The following SLC5A4 variants were observed in gnomAD, a reference collection of about 807,000 sequenced individuals.
SLC5A4 encodes solute carrier family 5 member 4, also known as probable glucose sensor protein SLC5A4.
In SLC5A4, 55 loss-of-function variants were observed where a neutral mutation model predicts 70.3. The ratio of observed to expected loss-of-function variants is 0.78; its 90% CI spans 0.63 to 0.98. SLC5A4 has a LOEUF of 0.98. Ranked by LOEUF, SLC5A4 falls within the 50% of genes least tolerant of loss-of-function variation. SLC5A4 has a pLI of 0.00. For missense variants in SLC5A4, 735 were observed against 839.2 expected (o/e 0.88, Z 1.53); for synonymous variants, 268 against 305.7 (o/e 0.88, Z 1.29).
At chr22:32,347,290 A>G in the SLC5A4 span, among the ~76,000 whole-genome samples, 1 of 151,898 alleles carries the variant, frequency 6.6e-6, no homozygotes, top group Non-Finnish European at 1.5e-5. Flanking sequence ...TGTGGAAGTC[A>G]GTGTGGAGAT....
At chr22:32,291,203 GTTCT>G in the SLC5A4 span, among the ~76,000 whole-genome samples, 7 of 98,394 alleles carry the variant, frequency 7.1e-5, no homozygotes, top group South Asian at 3.9e-4. Context: ...GTGTTTGACT[GTTCT>G]TTTTTTTTTT....
chr22:32,338,579 C>G, the SLC5A4 span, among the ~76,000 whole-genome samples: 1 of 152,166 alleles, frequency 6.6e-6, no homozygotes, highest in African/African-American at 2.4e-5. Flanking sequence ...AAAGGAGAAT[C>G]ACTTGAACCT....
At chr22:32,351,751 G>GGGGGTGGGGGGGGGGTGGGGGGAGGGT in the SLC5A4 span, among the ~76,000 whole-genome samples, 1 of 44,238 alleles carries the variant, frequency 2.3e-5, no homozygotes, top group Non-Finnish European at 3.5e-5. Flanking sequence ...GGGAGGGCGG[G>GGGGGTGGGGGGGGGGTGGGGGGAGGGT]GGGGGGGTGG....
At chr22:32,346,305 G>T in the SLC5A4 span, among the ~76,000 whole-genome samples, 3 of 152,190 alleles carry the variant, frequency 2.0e-5, no homozygotes, top group East Asian at 3.9e-4. Context: ...CTAAAGAAAA[G>T]ATATTATTGT....
the SLC5A4 span, among the ~76,000 whole-genome samples, chr22:32,322,306 CAGGCCA>C: frequency 6.6e-6 from 1 of 152,144 alleles, no homozygotes; most frequent in African/African-American, 2.4e-5. Context: ...TGGCCAGAAG[CAGGCCA>C]GGGGCAGTGG....
chr22:32,329,510 GGTGT>G, the SLC5A4 span, among the ~76,000 whole-genome samples: 7,165 of 148,004 alleles, frequency 0.048, 410 homozygotes, highest in East Asian at 0.29. Context: ...AGGCAGTGGG[GGTGT>G]GTGTGTGTTT....
chr22:32,332,764 G>A, the SLC5A4 span, among the ~76,000 whole-genome samples: 3 of 152,180 alleles, frequency 2.0e-5, no homozygotes, highest in East Asian at 1.9e-4. Context: ...CCATGGTAAA[G>A]GTTAATTTTT....
chr22:32,350,943 T>C, the SLC5A4 span, among the ~76,000 whole-genome samples: 8 of 151,788 alleles, frequency 5.3e-5, no homozygotes, highest in African/African-American at 2.4e-5. Flanking sequence ...GTAGTAACAT[T>C]AGGAATAAAA....
chr22:32,299,298 G>A, the SLC5A4 span, among the ~76,000 whole-genome samples: 4,329 of 151,278 alleles, frequency 0.029, 214 homozygotes, highest in African/African-American at 0.1. Flanking sequence ...AAACCAATCA[G>A]ACGTAAATTT....
At chr22:32,242,686 G>A (rs976449781) in intron 5 of SLC5A4, among the ~76,000 whole-genome samples, 1 of 152,120 alleles carries the variant, frequency 6.6e-6, no homozygotes, top group Non-Finnish European at 1.5e-5. Context: ...TCCAGCCTGG[G>A]CGACAGAGTG....
chr22:32,295,670 A>T, the SLC5A4 span, among the ~76,000 whole-genome samples: 2 of 91,726 alleles, frequency 2.2e-5, no homozygotes, highest in African/African-American at 4.1e-5. Context: ...ATTAGATCCC[A>T]TTTGTCAATT....
the SLC5A4 span, among the ~76,000 whole-genome samples, chr22:32,291,750 GATTT>G: frequency 1.3e-5 from 2 of 151,398 alleles, no homozygotes; most frequent in African/African-American, 4.9e-5. Flanking sequence ...TTTTCATTAT[GATTT>G]ATTCCTTGAC....
At chr22:32,323,150 G>C in the SLC5A4 span, among the ~76,000 whole-genome samples, 1 of 152,044 alleles carries the variant, frequency 6.6e-6, no homozygotes. Flanking sequence ...AGATTGGCTC[G>C]AGACAACAGC....
the SLC5A4 span, among the ~76,000 whole-genome samples, chr22:32,301,450 G>GT: frequency 6.6e-6 from 1 of 152,104 alleles, no homozygotes; most frequent in African/African-American, 2.4e-5. Flanking sequence ...TTTGCTGTCT[G>GT]TATTTAACAA....
chr22:32,354,492 C>T, the SLC5A4 span, among the ~76,000 whole-genome samples: 1 of 151,926 alleles, frequency 6.6e-6, no homozygotes, highest in Non-Finnish European at 1.5e-5. Context: ...CAGAGTAGCA[C>T]CCGATAGCGC....
intron 12 of SLC5A4, 60 bp from the exon 13 acceptor site, chr22:32,224,542 T>A: frequency 7.5e-7 from 1 of 1,330,454 alleles, no homozygotes; most frequent in Non-Finnish European, 1.1e-6. Flanking sequence ...CTTATTCAAG[T>A]AAGTCATCAT....
chr22:32,292,500 A>C, the SLC5A4 span, among the ~76,000 whole-genome samples: 1 of 150,924 alleles, frequency 6.6e-6, no homozygotes. Context: ...ACAGGGTGCT[A>C]TCTTAGAGGC....
chr22:32,261,476 G>T, the SLC5A4 span, among the ~76,000 whole-genome samples: 4 of 152,236 alleles, frequency 2.6e-5, no homozygotes, highest in Admixed American at 6.5e-5. Flanking sequence ...GCAAGACAGA[G>T]AGCTGGAGCT....
chr22:32,292,158 A>G, the SLC5A4 span, among the ~76,000 whole-genome samples: 2 of 53,450 alleles, frequency 3.7e-5, no homozygotes, highest in Non-Finnish European at 7.7e-5. Context: ...TATATATTAT[A>G]TATATAATAT....
Sources: allele counts gnomAD v4.1 joint callset (sites outside exome capture counted in the v4.1 genomes callset), GRCh38; gene constraint gnomAD v4.1.1; transcripts MANE v1.5; gene names NCBI Gene and HGNC (gene_info 2026-07-23, HGNC 2026-07-21).